The following RPS6KC1 variants were observed in gnomAD, a reference collection of about 807,000 sequenced individuals.
RPS6KC1 encodes ribosomal protein S6 kinase C1, also known as inactive ribosomal protein S6 kinase delta-1.
RPS6KC1 carries 54 observed loss-of-function variants against 103.8 expected under a neutral mutation model. The observed-to-expected ratio is 0.52, with a 90% confidence interval of 0.42 to 0.65. The LOEUF (loss-of-function observed/expected upper bound fraction) is 0.65. Among genes scored for constraint, RPS6KC1 ranks in the 30% least tolerant of loss-of-function variants. The pLI, the probability that RPS6KC1 is intolerant of heterozygous loss-of-function variation, is 0.00. For missense variants in RPS6KC1, 1,151 were observed against 1,253.8 expected (o/e 0.92, Z 1.24); for synonymous variants, 439 against 438.7 (o/e 1.00, Z -0.01).
chr1:213,194,802 C>T (rs1382541383), intron 8 of RPS6KC1, among the ~76,000 whole-genome samples: 1 of 152,212 alleles, frequency 6.6e-6, no homozygotes, highest in Non-Finnish European at 1.5e-5. Flanking sequence ...ACATGTACCC[C>T]CTGTCCCCAA....
chr1:213,397,999 G>A, the RPS6KC1 span, among the ~76,000 whole-genome samples: 1 of 151,984 alleles, frequency 6.6e-6, no homozygotes, highest in African/African-American at 2.4e-5. Flanking sequence ...AATTGACAGG[G>A]GTGCAGAGAA....
intron 6 of RPS6KC1, among the ~76,000 whole-genome samples, chr1:213,153,134 C>G (rs1337388032): frequency 6.6e-6 from 1 of 152,184 alleles, no homozygotes; most frequent in Non-Finnish European, 1.5e-5. Context: ...CAGGCTGAGT[C>G]AGGAGAGTCA....
At chr1:213,363,821 CT>C in the RPS6KC1 span, among the ~76,000 whole-genome samples, 2,430 of 65,882 alleles carry the variant, frequency 0.037, 328 homozygotes, top group Middle Eastern at 0.092. Flanking sequence ...TTTCTTCTCT[CT>C]TTTTTTTTTT....
the RPS6KC1 span, among the ~76,000 whole-genome samples, chr1:213,674,160 A>G: frequency 6.6e-6 from 1 of 152,188 alleles, no homozygotes; most frequent in Non-Finnish European, 1.5e-5. Context: ...CTGGGACTAC[A>G]GGTACATGCC....
chr1:213,409,669 G>A, the RPS6KC1 span, among the ~76,000 whole-genome samples: 18,665 of 152,186 alleles, frequency 0.12, 1,486 homozygotes, highest in Non-Finnish European at 0.17. Context: ...TTTGTGAATG[G>A]GTGCTGTTTT....
At chr1:213,609,793 G>A in the RPS6KC1 span, among the ~76,000 whole-genome samples, 563 of 139,490 alleles carry the variant, frequency 4.0e-3, 8 homozygotes, top group African/African-American at 0.014. Flanking sequence ...GGCAAAACCC[G>A]CCATTACTTT....
chr1:213,416,244 C>A, the RPS6KC1 span, among the ~76,000 whole-genome samples: 1 of 152,346 alleles, frequency 6.6e-6, no homozygotes, highest in African/African-American at 2.4e-5. Context: ...CCACAGGCCT[C>A]TGTTTCAGAG....
At chr1:213,606,614 T>C in the RPS6KC1 span, among the ~76,000 whole-genome samples, 2 of 152,238 alleles carry the variant, frequency 1.3e-5, no homozygotes, top group Admixed American at 1.3e-4. Flanking sequence ...TTATCTCTTA[T>C]TGTGCCAATA....
At chr1:213,833,364 C>T in the RPS6KC1 span, among the ~76,000 whole-genome samples, 3 of 152,146 alleles carry the variant, frequency 2.0e-5, no homozygotes, top group Non-Finnish European at 4.4e-5. Flanking sequence ...CAGTATTATA[C>T]CCTCATTCTC....
At chr1:213,240,671 C>T in intron 10 of RPS6KC1, 31 bp from the exon 11 acceptor site, 1 of 1,539,260 alleles carries the variant, frequency 6.5e-7, no homozygotes. Flanking sequence ...GATCTTAATA[C>T]TTTTGTTTGT....
At chr1:213,290,449 C>T in the RPS6KC1 span, among the ~76,000 whole-genome samples, 2 of 152,216 alleles carry the variant, frequency 1.3e-5, no homozygotes, top group East Asian at 3.9e-4. Flanking sequence ...GAGGAAGGAA[C>T]GATACGGGGT....
the RPS6KC1 span, among the ~76,000 whole-genome samples, chr1:213,297,912 G>A: frequency 6.6e-6 from 1 of 152,310 alleles, no homozygotes; most frequent in Non-Finnish European, 1.5e-5. Context: ...CTACCATGCA[G>A]GGCCCTAAGG....
At chr1:213,602,535 G>A in the RPS6KC1 span, among the ~76,000 whole-genome samples, 2 of 151,958 alleles carry the variant, frequency 1.3e-5, no homozygotes, top group African/African-American at 2.4e-5. Flanking sequence ...GCCCGGCCTG[G>A]TGTTTCTAAC....
chr1:213,330,937 C>T, the RPS6KC1 span, among the ~76,000 whole-genome samples: 1 of 152,130 alleles, frequency 6.6e-6, no homozygotes, highest in African/African-American at 2.4e-5. Flanking sequence ...CTGAGCCATT[C>T]ACAACTGAGG....
At chr1:213,350,104 A>G in the RPS6KC1 span, among the ~76,000 whole-genome samples, 1 of 152,128 alleles carries the variant, frequency 6.6e-6, no homozygotes, top group African/African-American at 2.4e-5. Flanking sequence ...ATGTTACTTC[A>G]TTCTACCTGG....
the RPS6KC1 span, among the ~76,000 whole-genome samples, chr1:213,387,061 A>G: frequency 6.6e-6 from 1 of 152,248 alleles, no homozygotes; most frequent in African/African-American, 2.4e-5. Context: ...TTGAGAACAC[A>G]ATATGGACAA....
the RPS6KC1 span, among the ~76,000 whole-genome samples, chr1:213,482,813 A>G: frequency 6.6e-6 from 1 of 151,078 alleles, no homozygotes; most frequent in African/African-American, 2.4e-5. Flanking sequence ...TCCCAAAGTG[A>G]CCTTTGTTTT....
intron 12 of RPS6KC1, among the ~76,000 whole-genome samples, chr1:213,254,926 A>G (rs188856312): frequency 1.2e-3 from 179 of 152,290 alleles, no homozygotes; most frequent in African/African-American, 3.2e-3. Context: ...GGGCATGCCC[A>G]GAAACTTAAC....
chr1:213,414,665 T>A, the RPS6KC1 span, among the ~76,000 whole-genome samples: 1 of 152,206 alleles, frequency 6.6e-6, no homozygotes, highest in Non-Finnish European at 1.5e-5. Flanking sequence ...AAATTTCCAT[T>A]GTTTCAGGCC....
Sources: allele counts gnomAD v4.1 joint callset (sites outside exome capture counted in the v4.1 genomes callset), GRCh38; gene constraint gnomAD v4.1.1; transcripts MANE v1.5; gene names NCBI Gene and HGNC (gene_info 2026-07-23, HGNC 2026-07-21).